The following EHMT1 variants were observed in gnomAD, a reference collection of about 807,000 sequenced individuals.
The protein encoded by EHMT1 is histone-lysine N-methyltransferase EHMT1.
EHMT1 carries 15 observed loss-of-function variants against 147.2 expected under a neutral mutation model. The observed-to-expected ratio is 0.10, with a 90% CI of 0.07 to 0.16. The LOEUF (loss-of-function observed/expected upper bound fraction) is 0.16, where lower values mean the gene tolerates loss of function less well. EHMT1 is among the 10% of genes least tolerant of loss of function. The pLI, the probability that EHMT1 is intolerant of heterozygous loss-of-function variation, is 1.00. For missense variants in EHMT1, 1,587 were observed against 1,772.4 expected (o/e 0.90, Z 1.88); for synonymous variants, 795 against 709.6 (o/e 1.12, Z -1.91).
intron 1 of EHMT1, among the ~76,000 whole-genome samples, chr9:137,668,482 C>T (rs1589175213): frequency 6.6e-6 from 1 of 152,198 alleles, no homozygotes; most frequent in East Asian, 1.9e-4. Flanking sequence ...CCAACCATCA[C>T]ATATTAATGA....
At chr9:137,777,030 T>C (rs1449032694) in intron 12 of EHMT1, 186 bp downstream of exon 12, 1 of 639,992 alleles carries the variant, frequency 1.6e-6, no homozygotes, top group Non-Finnish European at 2.7e-6. Flanking sequence ...TACGTTGCTC[T>C]CTTTCGGTTT....
intron 14 of EHMT1, among the ~76,000 whole-genome samples, chr9:137,780,205 TGTGTG>T (rs1264193218): frequency 1.1e-4 from 14 of 129,764 alleles, no homozygotes; most frequent in African/African-American, 4.2e-4. Context: ...GACGCTGAGA[TGTGTG>T]GTGATGACGC....
At chr9:137,823,465 G>T in intron 25 of EHMT1, 1 of 360,194 alleles carries the variant, frequency 2.8e-6, no homozygotes, top group Non-Finnish European at 5.4e-6. Context: ...AGGCTGGAGT[G>T]CAGTGACACA....
At chr9:137,784,603 T>A (rs1951813578) in intron 15 of EHMT1, 1 of 219,574 alleles carries the variant, frequency 4.6e-6, no homozygotes, top group African/African-American at 2.3e-5. Flanking sequence ...CCCCAGTGGT[T>A]CCTGTCAGTC....
intron 25 of EHMT1, among the ~76,000 whole-genome samples, chr9:137,822,834 A>G (rs1203599732): frequency 6.6e-6 from 1 of 151,140 alleles, no homozygotes; most frequent in African/African-American, 2.5e-5. Flanking sequence ...TGGAGGTTGC[A>G]GTGAGCCAAG....
chr9:137,784,280 C>A, intron 15 of EHMT1: 1 of 1,470,056 alleles, frequency 6.8e-7, no homozygotes. Context: ...GGGCTGACTC[C>A]GCCTTTCAGA....
At chr9:137,642,132 G>A (rs1487041334) in intron 1 of EHMT1, among the ~76,000 whole-genome samples, 5 of 152,078 alleles carry the variant, frequency 3.3e-5, no homozygotes, top group South Asian at 4.2e-4. Context: ...GAGCCACTGC[G>A]CCCGGCCCCA....
At chr9:137,678,018 A>G (rs1203087735) in intron 1 of EHMT1, among the ~76,000 whole-genome samples, 2 of 152,052 alleles carry the variant, frequency 1.3e-5, no homozygotes, top group African/African-American at 2.4e-5. Context: ...GCAGTGAACC[A>G]AGATGGCGCC....
At chr9:137,779,566 C>G in intron 13 of EHMT1, 69 bp from the exon 14 acceptor site, 1 of 1,567,072 alleles carries the variant, frequency 6.4e-7, no homozygotes. Flanking sequence ...TCCGCCGGGC[C>G]TTCCAGCCTT....
intron 2 of EHMT1, among the ~76,000 whole-genome samples, chr9:137,711,635 G>A (rs577140157): frequency 6.6e-6 from 1 of 152,282 alleles, no homozygotes; most frequent in African/African-American, 2.4e-5. Context: ...GGTGAGGGGA[G>A]TTGGGGCGAG....
intron 16 of EHMT1, among the ~76,000 whole-genome samples, chr9:137,798,072 G>A (rs1023312252): frequency 4.6e-5 from 7 of 152,230 alleles, no homozygotes; most frequent in African/African-American, 1.4e-4. Context: ...AGAGCTGAAA[G>A]GAAATGAGAG....
chr9:137,802,838 C>T (rs1467834239), intron 18 of EHMT1: 2 of 1,231,884 alleles, frequency 1.6e-6, no homozygotes, highest in African/African-American at 3.1e-5. Flanking sequence ...CACCGGAGTT[C>T]TTTCCCACTG....
In EHMT1 at chr9:137,813,249, T is replaced by C. The variant is rs1177307949; in HGVS notation, c.3035+76T>C. 6 of 1,573,246 alleles carry C rather than the reference T, an allele frequency of 3.8e-6. No homozygotes were observed. Among genetic ancestry groups the C allele is most frequent in the Non-Finnish European group, 5.1e-6 (6 of 1,165,958 alleles). ...TTTGGGAACTTGCGGTGAAAGCTGC[T>C]CCTGAAGCCGAAACATCCCCAGGCT... On this transcript the variant is annotated intron_variant, in intron 20 of 26. Transcript: ENST00000460843. The surrounding 1 kb of genome is among the most constrained non-coding windows in gnomAD (Gnocchi z 4.9).
chr9:137,835,790 C>T lies in EHMT1; in HGVS notation c.*837C>T, dbSNP rs1956540023. The T allele has an allele frequency of 6.6e-6, 1 of 152,538 alleles. No individual in the cohort carries two copies. The allele number at this position is 152,538 out of a possible 1,614,324, so 9.4% of individuals were successfully genotyped here. On this transcript the variant is annotated 3_prime_UTR_variant, in exon 27 of 27. Coordinates refer to ENST00000460843, the MANE Select transcript of EHMT1 (RefSeq NM_024757.5). ...CTACTCACCACGTGAAATAAACTAT[C>T]AACTGTATAAAGAGAACAAAGTGAT...
intron 1 of EHMT1, among the ~76,000 whole-genome samples, chr9:137,710,498 A>G (rs781164522): frequency 6.6e-6 from 1 of 152,208 alleles, no homozygotes; most frequent in Non-Finnish European, 1.5e-5. Flanking sequence ...GAGGCCTTGT[A>G]TAATACATAC....
In EHMT1 at chr9:137,796,880, CG is replaced by C. The variant is rs1554888104; in HGVS notation, c.2506-1929del. On this transcript the variant is annotated intron_variant, in intron 16 of 26. Coordinates refer to ENST00000460843, the MANE Select transcript of EHMT1 (RefSeq NM_024757.5). Reference sequence around the variant, plus strand: ...CAACGTAACAGGTGGAAAAGACTGACGGGGCGGGACATAGAGCAGCAGGCAG... The same window carrying C: ...CAACGTAACAGGTGGAAAAGACTGACGGGCGGGACATAGAGCAGCAGGCAG... 1.1e-4 allele frequency among the ~76,000 whole-genome samples: 17 copies of C among 151,674 alleles called. No individual in the cohort carries two copies. The East Asian group carries it at 1.2e-3, about 10-fold the overall frequency.
chr9:137,682,903 A>AG (rs1942095412), intron 1 of EHMT1, among the ~76,000 whole-genome samples: 1 of 152,208 alleles, frequency 6.6e-6, no homozygotes, highest in Admixed American at 6.5e-5. Flanking sequence ...CGCTGCCTGC[A>AG]GGGGCTGCCC....
intron 13 of EHMT1, among the ~76,000 whole-genome samples, chr9:137,779,329 C>G (rs1420111770): frequency 2.0e-5 from 3 of 152,254 alleles, no homozygotes; most frequent in Admixed American, 6.5e-5. Context: ...GCATCCTGCG[C>G]TGGTTCTGTC....
At chr9:137,694,920 T>TTTATCTATTACTGCCACAGC (rs1943272410) in intron 1 of EHMT1, among the ~76,000 whole-genome samples, 1 of 152,212 alleles carries the variant, frequency 6.6e-6, no homozygotes, top group Non-Finnish European at 1.5e-5. Context: ...CATCAGCATA[T>TTTATCTATTACTGCCACAGC]TAGTGGCGGT....
Sources: allele counts gnomAD v4.1 joint callset (sites outside exome capture counted in the v4.1 genomes callset), GRCh38; gene constraint gnomAD v4.1.1; non-coding constraint Gnocchi (gnomAD v3.1); transcripts MANE v1.5; gene names NCBI Gene and HGNC (gene_info 2026-07-23, HGNC 2026-07-21).